The following LRRN3 variants were observed in gnomAD, a reference collection of about 807,000 sequenced individuals.
LRRN3 encodes leucine rich repeat neuronal 3.
A neutral mutation model predicts 40.1 loss-of-function variants in LRRN3; 15 were observed. The observed-to-expected ratio is 0.37, with a 90% CI of 0.25 to 0.58. The LOEUF (loss-of-function observed/expected upper bound fraction) is 0.58. Ranked by LOEUF, LRRN3 falls within the 20% of genes least tolerant of loss-of-function variation. The pLI, the probability that LRRN3 is intolerant of heterozygous loss-of-function variation, is 0.72. For missense variants in LRRN3, 746 were observed against 837.7 expected (o/e 0.89, Z 1.35); for synonymous variants, 308 against 297.2 (o/e 1.04, Z -0.37).
intron 2 of LRRN3, among the ~76,000 whole-genome samples, chr7:111,112,838 G>A (rs368677219): frequency 2.0e-5 from 3 of 152,112 alleles, no homozygotes; most frequent in East Asian, 1.9e-4. Flanking sequence ...CTCATGGCAG[G>A]CATCAGCTAA....
chr7:111,099,145 C>A (rs1158089033), intron 1 of LRRN3, among the ~76,000 whole-genome samples: 1 of 151,598 alleles, frequency 6.6e-6, no homozygotes, highest in Non-Finnish European at 1.5e-5. Flanking sequence ...GAGTGGAAGT[C>A]AACATACTTC....
In LRRN3 at chr7:111,091,208, C is replaced by T. The variant is rs1338051033; in HGVS notation, c.-737C>T. ...GAAAAATAAAGCCAGCTCACAGGAT[C>T]TCTCTTCACTGGATTGAGAGCCTCA... On this transcript the variant is annotated 5_prime_UTR_variant, in exon 1 of 3. Transcript: ENST00000308478. 6.6e-6 allele frequency: 1 copy of T among 152,216 alleles called. No homozygotes were observed. The highest frequency in any genetic ancestry group is 1.5e-5 in the Non-Finnish European group (1 of 68,056). 9.4% of individuals were successfully genotyped at this position (152,216 alleles called of 1,614,324 possible).
intron 2 of LRRN3, among the ~76,000 whole-genome samples, chr7:111,101,024 A>G (rs1797913678): frequency 6.6e-6 from 1 of 151,486 alleles, no homozygotes; most frequent in Non-Finnish European, 1.5e-5. Context: ...TCCTGTCCAG[A>G]ATGGTAACTC....
In LRRN3 at chr7:111,099,873, C is replaced by A. The variant is rs1364845003; in HGVS notation, c.-440-8C>A. 6.6e-6 allele frequency: 1 copy of A among 151,340 alleles called. No homozygotes were observed. Among genetic ancestry groups the A allele is most frequent in the Admixed American group, 6.6e-5 (1 of 15,140 alleles). The allele number at this position is 151,340 out of a possible 1,614,324, so 9.4% of individuals were successfully genotyped here. On this transcript the variant is annotated splice_polypyrimidine_tract_variant and splice_region_variant and intron_variant, in intron 1 of 2. Coordinates refer to ENST00000308478, the MANE Select transcript of LRRN3 (RefSeq NM_001099658.2). ...TTTTTTTCCTGCTACTTCTTACATA[C>A]AACAAAGACGAGGAAGAGGAGGAGA...
At chr7:111,107,894 T>C (rs1312483001) in intron 2 of LRRN3, among the ~76,000 whole-genome samples, 2 of 152,196 alleles carry the variant, frequency 1.3e-5, no homozygotes, top group African/African-American at 4.8e-5. Flanking sequence ...TAAATTTTAC[T>C]AGTTTCATGT....
At chr7:111,099,694 G>C (rs1586256025) in intron 1 of LRRN3, among the ~76,000 whole-genome samples, 187 bp from the exon 2 acceptor site, 1 of 151,240 alleles carries the variant, frequency 6.6e-6, no homozygotes, top group Admixed American at 6.6e-5. Flanking sequence ...TATTCAAAAT[G>C]AAGTTTTTTT....
chr7:111,123,938 T>C lies in LRRN3; in HGVS notation c.1166T>C (p.Met389Thr), dbSNP rs1416232645. Residue 389 changes from methionine to threonine, a missense_variant, in exon 3 of 3, where the codon ATG becomes ACG. Transcript: ENST00000308478. The surrounding 1 kb of genome is among the most constrained non-coding windows in gnomAD (Gnocchi z 6.4). ...ATGAACAAAACCAACATTCGATTCA[T>C]GGAGCCAGATTCACTGTTTTGCGTG... ...MNMNKTNIRFMEPDSLFCVDP... is the reference protein window; with the variant it reads ...MNMNKTNIRFTEPDSLFCVDP... The C allele has an allele frequency of 1.9e-6, 3 of 1,614,032 alleles. No homozygotes were observed. The highest frequency in any genetic ancestry group is 2.5e-6 in the Non-Finnish European group (3 of 1,180,010).
At position 111,122,836 on chromosome 7, in the gene LRRN3, G is replaced by A. The variant is rs773450505; in HGVS notation, c.64G>A (p.Ala22Thr). 6.2e-7 allele frequency: 1 copy of A among 1,613,914 alleles called. No homozygotes were observed. The highest frequency in any genetic ancestry group is 1.7e-5 in the Admixed American group (1 of 59,984). Residue 22 changes from alanine (A) to threonine (T), a missense_variant, in exon 3 of 3, where the codon GCT becomes ACT. Transcript: ENST00000308478. Reference protein sequence around the residue: ...LGLAITTLVQAVDKKVDCPRL... With the variant: ...LGLAITTLVQTVDKKVDCPRL... ...CCTAGCTATCACTACACTAGTACAAGCTGTAGATAAAAAAGTGGATTGTCC... is the reference window on the plus strand; with the variant it reads ...CCTAGCTATCACTACACTAGTACAAACTGTAGATAAAAAAGTGGATTGTCC...
chr7:111,094,030 T>C (rs1048859419), intron 1 of LRRN3, among the ~76,000 whole-genome samples: 11 of 152,264 alleles, frequency 7.2e-5, no homozygotes, highest in African/African-American at 2.6e-4. Context: ...ACAAAAAAGG[T>C]GATCAACTTA....
chr7:111,101,937 A>T (rs1024978759), intron 2 of LRRN3, among the ~76,000 whole-genome samples: 8 of 151,474 alleles, frequency 5.3e-5, no homozygotes, highest in Admixed American at 5.3e-4. Flanking sequence ...TCTACCAAAA[A>T]TGGACAAAAC....
In LRRN3 at chr7:111,124,814, TA is replaced by T; in HGVS notation, c.2045del (p.Asn682IlefsTer13). ...FALGELYPPL[I>X]NLWEAGKEKS... Reference sequence around the variant, plus strand: ...TTAGGTGAGCTTTATCCTCCTCTGATAAATCTCTGGGAAGCAGGAAAAGAAA... The same window carrying T: ...TTAGGTGAGCTTTATCCTCCTCTGATAATCTCTGGGAAGCAGGAAAAGAAA... On this transcript the variant is annotated frameshift_variant, in exon 3 of 3. Coordinates refer to ENST00000308478, the MANE Select transcript of LRRN3 (RefSeq NM_001099658.2). LOFTEE classifies it high-confidence loss of function. 2.5e-6 allele frequency: 4 copies of T among 1,612,186 alleles called. No homozygotes were observed. The East Asian group carries it at 8.9e-5, about 36-fold the overall frequency.
intron 2 of LRRN3, among the ~76,000 whole-genome samples, chr7:111,101,982 A>G (rs1296353067): frequency 6.6e-6 from 1 of 151,350 alleles, no homozygotes; most frequent in Admixed American, 6.6e-5. Flanking sequence ...TCTAATTTTC[A>G]TACACTATAT....
chr7:111,112,795 T>G (rs1308085923), intron 2 of LRRN3, among the ~76,000 whole-genome samples: 1 of 152,090 alleles, frequency 6.6e-6, no homozygotes, highest in African/African-American at 2.4e-5. Flanking sequence ...CTTCCTTAGG[T>G]ATAGTAACAG....
intron 2 of LRRN3, among the ~76,000 whole-genome samples, chr7:111,106,405 T>C (rs1279580854): frequency 2.0e-5 from 3 of 151,904 alleles, no homozygotes; most frequent in African/African-American, 7.2e-5. Context: ...AATAGAAATC[T>C]CTTCTCTCTG....
At chr7:111,097,035 G>A (rs755397106) in intron 1 of LRRN3, 1 of 151,822 alleles carries the variant, frequency 6.6e-6, no homozygotes, top group Non-Finnish European at 1.5e-5. Flanking sequence ...AGGAGGTGAA[G>A]CATTCCACAG....
At chr7:111,104,899 G>T (rs1179276361) in intron 2 of LRRN3, among the ~76,000 whole-genome samples, 2 of 151,632 alleles carry the variant, frequency 1.3e-5, no homozygotes, top group African/African-American at 4.8e-5. Flanking sequence ...CAGAGAGAAG[G>T]GGACAGTCTC....
At chr7:111,092,606 T>G (rs1338187557) in intron 1 of LRRN3, among the ~76,000 whole-genome samples, 1 of 152,194 alleles carries the variant, frequency 6.6e-6, no homozygotes, top group Non-Finnish European at 1.5e-5. Context: ...TCATCTTTAG[T>G]TTCAGAAGCA....
intron 2 of LRRN3, among the ~76,000 whole-genome samples, chr7:111,108,966 A>T (rs539103554): frequency 1.3e-5 from 2 of 152,230 alleles, no homozygotes; most frequent in Non-Finnish European, 2.9e-5. Context: ...AATAAAACGG[A>T]AACAACTTTA....
chr7:111,108,769 A>G (rs1230453587), intron 2 of LRRN3, among the ~76,000 whole-genome samples: 1 of 152,200 alleles, frequency 6.6e-6, no homozygotes, highest in Non-Finnish European at 1.5e-5. Context: ...ACATGAGTCA[A>G]TTCAGCATTC....
Sources: allele counts gnomAD v4.1 joint callset (sites outside exome capture counted in the v4.1 genomes callset), GRCh38; gene constraint gnomAD v4.1.1; non-coding constraint Gnocchi (gnomAD v3.1); transcripts MANE v1.5; gene names NCBI Gene and HGNC (gene_info 2026-07-23, HGNC 2026-07-21).